HIVEP1: variants seen among roughly 807,000 people sequenced by gnomAD.
The protein encoded by HIVEP1 is HIVEP zinc finger 1.
In HIVEP1, 36 loss-of-function variants were observed where a neutral mutation model predicts 180.0. The ratio of observed to expected loss-of-function variants is 0.20; its 90% CI spans 0.15 to 0.26. The LOEUF (loss-of-function observed/expected upper bound fraction) is 0.26. Among genes scored for constraint, HIVEP1 ranks in the 10% least tolerant of loss-of-function variants. HIVEP1 has a pLI of 1.00. For missense variants in HIVEP1, 3,143 were observed against 3,268.7 expected (o/e 0.96, Z 0.94); for synonymous variants, 1,239 against 1,239.0 (o/e 1.00, Z 0.00).
intron 3 of HIVEP1, among the ~76,000 whole-genome samples, chr6:12,115,605 C>T (rs1053263548): frequency 6.6e-6 from 1 of 152,006 alleles, no homozygotes; most frequent in Non-Finnish European, 1.5e-5. Flanking sequence ...ACCGGTAGCA[C>T]ACTGACAAGT....
chr6:12,014,749 CTG>C (rs1767625610), intron 1 of HIVEP1, among the ~76,000 whole-genome samples: 2 of 152,206 alleles, frequency 1.3e-5, no homozygotes, highest in African/African-American at 2.4e-5. Context: ...TTTCAGATCA[CTG>C]TGTTTTAAAA....
intron 7 of HIVEP1, among the ~76,000 whole-genome samples, chr6:12,138,357 C>A (rs1243119600): frequency 6.6e-6 from 1 of 152,102 alleles, no homozygotes; most frequent in African/African-American, 2.4e-5. Flanking sequence ...GATTGGGTCT[C>A]ATTATTCTTT....
chr6:12,206,399 T>G, the HIVEP1 span, among the ~76,000 whole-genome samples: 4 of 152,100 alleles, frequency 2.6e-5, no homozygotes, highest in South Asian at 2.1e-4. Context: ...CCTCTCAAAG[T>G]GCTGGGATTA....
intron 7 of HIVEP1, among the ~76,000 whole-genome samples, chr6:12,144,845 G>T (rs562116065): frequency 6.6e-6 from 1 of 152,322 alleles, no homozygotes; most frequent in East Asian, 1.9e-4. Flanking sequence ...CAGTTAGAAT[G>T]GCGATCATTA....
the HIVEP1 span, among the ~76,000 whole-genome samples, chr6:12,203,405 T>C: frequency 6.6e-6 from 1 of 152,234 alleles, no homozygotes; most frequent in South Asian, 2.1e-4. Context: ...GGCATAGTTT[T>C]CATTAGTCAG....
chr6:12,011,026 G>A (rs546686937), upstream of HIVEP1, among the ~76,000 whole-genome samples: 7 of 152,248 alleles, frequency 4.6e-5, no homozygotes, highest in East Asian at 1.4e-3. Context: ...CTTCGGCACT[G>A]GGAAGCACCA....
chr6:12,026,759 GT>G (rs1397517127), intron 2 of HIVEP1, among the ~76,000 whole-genome samples: 1 of 152,164 alleles, frequency 6.6e-6, no homozygotes. Flanking sequence ...ACTGGTAACA[GT>G]TTAAAAGAAT....
At chr6:12,154,990 C>G (rs1759937871) in intron 7 of HIVEP1, among the ~76,000 whole-genome samples, 1 of 151,706 alleles carries the variant, frequency 6.6e-6, no homozygotes, top group African/African-American at 2.4e-5. Flanking sequence ...CATTTCTGTT[C>G]TTATTTTGAT....
chr6:12,084,919 A>C (rs1269303377), intron 2 of HIVEP1, among the ~76,000 whole-genome samples: 7 of 152,120 alleles, frequency 4.6e-5, no homozygotes, highest in Admixed American at 2.6e-4. Context: ...AGTTGACTCG[A>C]GTGCTTTCGG....
At chr6:12,020,828 G>C (rs575552050) in intron 2 of HIVEP1, among the ~76,000 whole-genome samples, 1 of 150,804 alleles carries the variant, frequency 6.6e-6, no homozygotes, top group Admixed American at 6.6e-5. Flanking sequence ...ATTTGGCTCC[G>C]AACACTCTGC....
chr6:12,099,073 A>G (rs1773944484), intron 3 of HIVEP1, among the ~76,000 whole-genome samples: 1 of 152,190 alleles, frequency 6.6e-6, no homozygotes, highest in African/African-American at 2.4e-5. Context: ...AGTAACATTC[A>G]TGCATGGCCT....
At chr6:12,173,322 T>G in the HIVEP1 span, among the ~76,000 whole-genome samples, 1 of 152,128 alleles carries the variant, frequency 6.6e-6, no homozygotes, top group Admixed American at 6.5e-5. Context: ...ATGGAGCAAT[T>G]TTCCATTACA....
chr6:12,144,947 T>C (rs969195548), intron 7 of HIVEP1, among the ~76,000 whole-genome samples: 1 of 152,224 alleles, frequency 6.6e-6, no homozygotes, highest in African/African-American at 2.4e-5. Flanking sequence ...TCAACCATTG[T>C]GGAAGACAGT....
chr6:12,099,867 C>T (rs1468009142), intron 3 of HIVEP1, among the ~76,000 whole-genome samples: 2 of 152,142 alleles, frequency 1.3e-5, no homozygotes, highest in South Asian at 2.1e-4. Context: ...GATTGCTTTT[C>T]TGAAGTAAGT....
Position 12,123,955 on chromosome 6 carries a change from C to T in HIVEP1, c.4160C>T (p.Ser1387Leu). The change falls in exon 4 of 9, where the codon TCA (serine) becomes TTA (leucine). Residue 1387 changes from serine to leucine, a missense_variant. Transcript: ENST00000379388. ...SMEVSDLRSK[S>L]FDCGSITPPQ... is the part of the protein sequence containing the mutation. ...GAGGTCTCTGATCTCAGAAGCAAAT[C>T]ATTCGATTGTGGAAGCATCACCCCA... is the stretch of plus-strand genomic sequence containing the variant. 6.2e-7 allele frequency: 1 copy of T among 1,614,062 alleles called. No individual in the cohort carries two copies. Among genetic ancestry groups the T allele is most frequent in the Non-Finnish European group, 8.5e-7 (1 of 1,179,970 alleles).
chr6:12,023,481 C>A (rs1407803203), intron 2 of HIVEP1, among the ~76,000 whole-genome samples: 1 of 151,878 alleles, frequency 6.6e-6, no homozygotes, highest in Non-Finnish European at 1.5e-5. Context: ...ATTTCAAAAA[C>A]AAAAACAAAA....
chr6:12,103,461 T>A (rs1774229656), intron 3 of HIVEP1, among the ~76,000 whole-genome samples: 1 of 152,034 alleles, frequency 6.6e-6, no homozygotes. Flanking sequence ...CAGTGATGAT[T>A]TGAGAAAAAG....
Position 12,124,569 on chromosome 6 carries a change from A to T in HIVEP1, c.4774A>T (p.Thr1592Ser). The stretch of plus-strand genomic sequence containing the variant: ...TCAAGTTATTTCAGATCCAGTTGGA[A>T]CAGATCATTGTGTGACATCAGCAAC... ...PNQVISDPVGTDHCVTSATLP... is the reference protein window; with the variant it reads ...PNQVISDPVGSDHCVTSATLP... Residue 1592 changes from threonine (T) to serine (S), a missense_variant, in exon 4 of 9, where the codon ACA (threonine) becomes TCA (serine). Around this residue, in one of 12 missense-constraint regions of HIVEP1, gnomAD observed 1,357 missense variants for 1,260.5 expected, o/e 1.08. Transcript: ENST00000379388. 1 of 1,614,080 alleles carries T rather than the reference A, an allele frequency of 6.2e-7. No individual in the cohort carries two copies. Among genetic ancestry groups the T allele is most frequent in the Non-Finnish European group, 8.5e-7 (1 of 1,179,962 alleles).
At chr6:12,088,897 A>G (rs56378999) in intron 2 of HIVEP1, among the ~76,000 whole-genome samples, 131 of 152,292 alleles carry the variant, frequency 8.6e-4, no homozygotes, top group Non-Finnish European at 1.5e-3. Context: ...TACTTTGATT[A>G]GATGACTAGA....
Sources: gnomAD v4.1 joint callset for allele counts (sites outside exome capture counted in the v4.1 genomes callset) on GRCh38, gnomAD v4.1.1 for gene constraint, gnomAD v4.1.1 regional missense constraint, MANE v1.5 for transcripts, NCBI Gene and HGNC (gene_info 2026-07-23, HGNC 2026-07-21) for gene names.